The following GIGYF2 variants were observed in gnomAD, a reference collection of about 807,000 sequenced individuals.
The protein encoded by GIGYF2 is GRB10-interacting GYF protein 2.
In GIGYF2, 25 loss-of-function variants were observed where a neutral mutation model predicts 208.1. That is an observed-to-expected ratio of 0.12 (90% CI 0.09 to 0.17). The LOEUF is 0.17. Among genes scored for constraint, GIGYF2 ranks in the 10% least tolerant of loss-of-function variants. The probability of loss-of-function intolerance (pLI) is 1.00; values close to 1 mark genes in which losing one functional copy is unlikely to be tolerated. For synonymous variants in GIGYF2, 534 were observed against 543.8 expected (o/e 0.98, Z 0.25); for missense variants, 1,302 against 1,579.4 (o/e 0.82, Z 2.98).
At chr2:232,850,846 A>G (rs560550693) in intron 28 of GIGYF2, among the ~76,000 whole-genome samples, 1 of 152,250 alleles carries the variant, frequency 6.6e-6, no homozygotes, top group Non-Finnish European at 1.5e-5. Context: ...TCTATGTATC[A>G]TATAATTCTC....
chr2:232,832,474 G>A (rs1408716909), intron 21 of GIGYF2, among the ~76,000 whole-genome samples: 2 of 152,150 alleles, frequency 1.3e-5, no homozygotes, highest in African/African-American at 4.8e-5. Flanking sequence ...TGCTTTCATG[G>A]TAATCAGCAT....
At chr2:232,731,046 G>C (rs1392961374) in intron 2 of GIGYF2, 3 of 151,710 alleles carry the variant, frequency 2.0e-5, no homozygotes, top group Admixed American at 1.3e-4. Flanking sequence ...TAGTAGTTTT[G>C]TAGTACTCAA....
At chr2:232,846,519 T>C (rs1463549324) in intron 26 of GIGYF2, among the ~76,000 whole-genome samples, 1 of 152,210 alleles carries the variant, frequency 6.6e-6, no homozygotes, top group East Asian at 1.9e-4. Context: ...CCACCTCTGA[T>C]ACCCTGTCTA....
chr2:232,718,073 A>G (rs1696772196), intron 2 of GIGYF2, among the ~76,000 whole-genome samples: 1 of 152,030 alleles, frequency 6.6e-6, no homozygotes, highest in Non-Finnish European at 1.5e-5. Context: ...TGTGAATATC[A>G]GTAATTTTTT....
chr2:232,844,279 C>T (rs375331936), intron 24 of GIGYF2, 24 bp downstream of exon 24: 40 of 1,605,944 alleles, frequency 2.5e-5, no homozygotes, highest in African/African-American at 1.5e-4. Flanking sequence ...CCTAAGCTGT[C>T]GTTGTATGGA....
intron 2 of GIGYF2, among the ~76,000 whole-genome samples, chr2:232,711,895 A>C (rs1021509153): frequency 6.6e-6 from 1 of 151,594 alleles, no homozygotes; most frequent in Admixed American, 6.6e-5. Flanking sequence ...GTTAGTTGCA[A>C]TATGAAATCC....
At chr2:232,706,368 A>G (rs1450677408) in intron 2 of GIGYF2, among the ~76,000 whole-genome samples, 12 of 152,242 alleles carry the variant, frequency 7.9e-5, no homozygotes, top group Admixed American at 7.9e-4. Context: ...TGGGCTGAGC[A>G]CAGCGTGGCT....
chr2:232,825,668 A>C (rs1271356333), intron 21 of GIGYF2, among the ~76,000 whole-genome samples: 4 of 152,184 alleles, frequency 2.6e-5, no homozygotes, highest in Admixed American at 2.6e-4. Flanking sequence ...AGGATTACAT[A>C]AACGTAGTTG....
chr2:232,817,075 AG>A, intron 20 of GIGYF2, 43 bp downstream of exon 20: 2 of 1,392,474 alleles, frequency 1.4e-6, no homozygotes, highest in Non-Finnish European at 2.0e-6. Context: ...GTGCTTGATG[AG>A]GGCTTTCAGG....
intron 1 of GIGYF2, among the ~76,000 whole-genome samples, chr2:232,701,184 T>G (rs1695824160): frequency 6.6e-6 from 1 of 152,076 alleles, no homozygotes; most frequent in African/African-American, 2.4e-5. Context: ...TTTCAAAGTA[T>G]TACATACTTC....
chr2:232,791,310 T>G lies in GIGYF2; in HGVS notation c.1146T>G (p.Thr382=). 1 of 1,614,048 alleles carries G rather than the reference T, an allele frequency of 6.2e-7. No homozygotes were observed. Among genetic ancestry groups the G allele is most frequent in the Non-Finnish European group, 8.5e-7 (1 of 1,179,936 alleles). ...QTSSSSARPG[T]PSDHQSQEAS... The stretch of plus-strand genomic sequence containing the variant: ...CATCATCATCTGCTAGACCAGGTAC[T>G]CCTTCAGACCATCAGTCTCAGGAAG... Residue 382 remains threonine, a synonymous_variant, in exon 12 of 29, where the codon ACT becomes ACG. Transcript: ENST00000373563.
Position 232,760,481 on chromosome 2 carries a change from C to A in GIGYF2, c.381C>A (p.Gly127=). ...TTTTTTCTGTTTTCTTATTTTCAGG[C>A]AGAGGCAGAGGTGAATGTGGTTTCT... The part of the protein sequence containing the change: ...PRGRSSSRGR[G]RGRGECGFYQ... Residue 127 remains glycine, a splice_region_variant and synonymous_variant, in exon 7 of 29, where the codon GGC becomes GGA. Transcript: ENST00000373563. 1 of 1,603,948 alleles carries A rather than the reference C, an allele frequency of 6.2e-7. No individual in the cohort carries two copies. The highest frequency in any genetic ancestry group is 1.7e-4 in the Middle Eastern group (1 of 6,048).
Position 232,816,872 on chromosome 2 carries a change from T to G in GIGYF2, c.2210T>G (p.Leu737Arg), listed in dbSNP as rs923173624. The change falls in exon 20 of 29, where the codon CTA becomes CGA. Residue 737 changes from leucine (L) to arginine (R), a missense_variant and splice_region_variant. Coordinates refer to ENST00000373563, the MANE Select transcript of GIGYF2 (RefSeq NM_001103146.3). ...AAGAGTACTCTTGTGTAATCACAGC[T>G]AGAGCAAGAGAGAAGAGAGGCAGAA... is the stretch of plus-strand genomic sequence containing the variant. ...QQLEKAKAAK[L>R]EQERREAEMR... is the part of the protein sequence containing the mutation. 2 of 1,611,306 alleles carry G rather than the reference T, an allele frequency of 1.2e-6. No homozygotes were observed. Among genetic ancestry groups the G allele is most frequent in the African/African-American group, 2.7e-5 (2 of 74,744 alleles).
chr2:232,714,670 C>G (rs1189830969), intron 2 of GIGYF2, among the ~76,000 whole-genome samples: 5 of 152,072 alleles, frequency 3.3e-5, no homozygotes, highest in African/African-American at 4.8e-5. Context: ...AGAAGTTTCC[C>G]CCAGCTGTTT....
At chr2:232,755,460 G>A (rs1359814490) in intron 5 of GIGYF2, among the ~76,000 whole-genome samples, 1 of 152,162 alleles carries the variant, frequency 6.6e-6, no homozygotes, top group African/African-American at 2.4e-5. Flanking sequence ...GAACCACCAC[G>A]CCTGGCCTTT....
intron 4 of GIGYF2, among the ~76,000 whole-genome samples, 185 bp downstream of exon 4, chr2:232,747,929 T>C (rs1698209105): frequency 6.6e-6 from 1 of 152,202 alleles, no homozygotes; most frequent in Non-Finnish European, 1.5e-5. Flanking sequence ...TATCACACAC[T>C]ATATTTTAGG....
intron 12 of GIGYF2, 68 bp from the exon 13 acceptor site, chr2:232,794,680 A>G (rs527855325): frequency 1.6e-6 from 2 of 1,231,486 alleles, no homozygotes; most frequent in African/African-American, 1.5e-5. Context: ...GTGCGACTTG[A>G]TAATGTAGTT....
Position 232,790,795 on chromosome 2 carries a change from G to T in GIGYF2, c.810G>T (p.Arg270Ser), listed in dbSNP as rs200724513. ...GAGATGATGAACGGGGTTACCGAAG[G>T]GTTCGCTCTGGCAGTGGGAGCATAG... Reference protein sequence around the residue: ...RDRDDERGYRRVRSGSGSIDD... With the variant: ...RDRDDERGYRSVRSGSGSIDD... Residue 270 changes from arginine to serine, a missense_variant, in exon 10 of 29, where the codon AGG becomes AGT. Around this residue, in one of 8 missense-constraint regions of GIGYF2, gnomAD observed 50 missense variants for 42.3 expected, o/e 1.18. Transcript: ENST00000373563. 20 of 1,614,000 alleles carry T rather than the reference G, an allele frequency of 1.2e-5. No homozygotes were observed. The highest frequency in any genetic ancestry group is 1.5e-5 in the Non-Finnish European group (18 of 1,179,998).
At chr2:232,723,801 C>T (rs1237353139) in intron 2 of GIGYF2, among the ~76,000 whole-genome samples, 3 of 135,808 alleles carry the variant, frequency 2.2e-5, no homozygotes, top group African/African-American at 5.5e-5. Context: ...AGCACGATCT[C>T]GGCTCACCGC....
Sources: allele counts gnomAD v4.1 joint callset (sites outside exome capture counted in the v4.1 genomes callset), GRCh38; gene constraint gnomAD v4.1.1; regional missense constraint gnomAD v4.1.1; transcripts MANE v1.5; gene names NCBI Gene and HGNC (gene_info 2026-07-23, HGNC 2026-07-21).